Variants in SLC30A7 observed in about 807,000 individuals in gnomAD.
SLC30A7 encodes the protein zinc transporter 7.
In SLC30A7, 35 loss-of-function variants were observed where a neutral mutation model predicts 46.0. That is an observed-to-expected ratio of 0.76 (90% CI 0.58 to 1.01). SLC30A7 has a LOEUF of 1.01. SLC30A7 is among the 50% of genes least tolerant of loss of function. The probability of loss-of-function intolerance (pLI) is 0.00; values close to 1 mark genes in which losing one functional copy is unlikely to be tolerated. For synonymous variants in SLC30A7, 147 were observed against 157.8 expected, an observed-to-expected ratio of 0.93 and a Z score of 0.51; for missense variants, 464 against 451.1, an observed-to-expected ratio of 1.03 and a Z score of -0.26.
At chr1:100,905,316 C>T (rs1401239601) in intron 2 of SLC30A7, among the ~76,000 whole-genome samples, 1 of 151,732 alleles carries the variant, frequency 6.6e-6, no homozygotes, top group Non-Finnish European at 1.5e-5. Flanking sequence ...TTTTCTCTTT[C>T]TTCCCCTCTG....
At chr1:100,902,317 G>T (rs1375445231) in intron 2 of SLC30A7, among the ~76,000 whole-genome samples, 3 of 152,094 alleles carry the variant, frequency 2.0e-5, no homozygotes, top group Non-Finnish European at 2.9e-5. Context: ...ATTTCATTTT[G>T]ATGAGTATTA....
chr1:100,912,595 A>C (rs932725093), intron 5 of SLC30A7, among the ~76,000 whole-genome samples: 3 of 152,192 alleles, frequency 2.0e-5, no homozygotes, highest in African/African-American at 7.2e-5. Flanking sequence ...AGGCCAAGGC[A>C]GATGGATCAC....
intron 8 of SLC30A7, among the ~76,000 whole-genome samples, chr1:100,949,598 C>G (rs1654846786): frequency 6.6e-6 from 1 of 152,236 alleles, no homozygotes; most frequent in Admixed American, 6.5e-5. Flanking sequence ...GCCTTTTGTT[C>G]AGCTATGCCT....
chr1:100,995,555 G>C, the SLC30A7 span: 69 of 156,546 alleles, frequency 4.4e-4, 2 homozygotes, highest in South Asian at 0.01. Context: ...ATTTAAAAAA[G>C]TCTTTTGCTT....
At chr1:100,962,045 T>G in intron 9 of SLC30A7, 127 bp downstream of exon 9, 1 of 537,248 alleles carries the variant, frequency 1.9e-6, no homozygotes, top group South Asian at 3.1e-5. Flanking sequence ...ATGCTGACCA[T>G]GAAATGTCAT....
chr1:100,907,980 AC>A (rs1187569426), intron 3 of SLC30A7, among the ~76,000 whole-genome samples: 1 of 148,778 alleles, frequency 6.7e-6, no homozygotes, highest in Non-Finnish European at 1.5e-5. Context: ...TTACCTTTTA[AC>A]CCTTTATCTG....
intron 4 of SLC30A7, among the ~76,000 whole-genome samples, chr1:100,911,590 G>C (rs887163651): frequency 6.6e-6 from 1 of 151,998 alleles, no homozygotes; most frequent in African/African-American, 2.4e-5. Context: ...TCACTCTGTT[G>C]CCCAAGCTGG....
At chr1:100,951,204 G>A (rs541239169) in intron 8 of SLC30A7, among the ~76,000 whole-genome samples, 1 of 152,272 alleles carries the variant, frequency 6.6e-6, no homozygotes, top group East Asian at 1.9e-4. Flanking sequence ...AGAAGGAAAA[G>A]GGGTGCGAAG....
chr1:100,915,581 A>C (rs1310215409), intron 6 of SLC30A7, among the ~76,000 whole-genome samples: 1 of 152,126 alleles, frequency 6.6e-6, no homozygotes, highest in Non-Finnish European at 1.5e-5. Context: ...GTCCTTCAGG[A>C]TCATTCATGT....
intron 9 of SLC30A7, 74 bp downstream of exon 9, chr1:100,961,992 T>G (rs1015719426): frequency 3.5e-6 from 3 of 858,844 alleles, no homozygotes; most frequent in Non-Finnish European, 5.6e-6. Flanking sequence ...TTCACAAATA[T>G]GGGTAACATG....
At chr1:100,966,605 A>G (rs923141372) in intron 10 of SLC30A7, among the ~76,000 whole-genome samples, 2 of 147,040 alleles carry the variant, frequency 1.4e-5, no homozygotes, top group African/African-American at 5.0e-5. Flanking sequence ...AGAAAACCAC[A>G]TTTTTTTTTT....
intron 10 of SLC30A7, among the ~76,000 whole-genome samples, chr1:100,968,030 G>A (rs1436434534): frequency 6.6e-6 from 1 of 152,116 alleles, no homozygotes; most frequent in African/African-American, 2.4e-5. Flanking sequence ...ATTTTCAAAT[G>A]TTTTGGCAAA....
At chr1:100,909,188 A>T (rs1441676924) in intron 3 of SLC30A7, among the ~76,000 whole-genome samples, 1 of 152,116 alleles carries the variant, frequency 6.6e-6, no homozygotes, top group Non-Finnish European at 1.5e-5. Context: ...AATCAAAATG[A>T]CACTGATTAA....
At chr1:100,918,498 G>GTAA (rs768712171) in intron 7 of SLC30A7, among the ~76,000 whole-genome samples, 1 of 152,232 alleles carries the variant, frequency 6.6e-6, no homozygotes, top group Non-Finnish European at 1.5e-5. Context: ...TTGAATATAA[G>GTAA]TAATACCCAT....
chr1:100,912,246 G>A lies in SLC30A7; in HGVS notation c.511+8G>A, dbSNP rs765829393. 6.2e-7 allele frequency: 1 copy of A among 1,607,230 alleles called. No homozygotes were observed. Among genetic ancestry groups the A allele is most frequent in the Non-Finnish European group, 8.5e-7 (1 of 1,177,562 alleles). ...GACATTCTCATGGCTCTGGTATGAT[G>A]GTTAGGACACTTTGTTTCTTCATTT... On this transcript the variant is annotated splice_region_variant and intron_variant, in intron 5 of 10. Coordinates refer to ENST00000357650, the MANE Select transcript of SLC30A7 (RefSeq NM_133496.5).
intron 6 of SLC30A7, among the ~76,000 whole-genome samples, chr1:100,916,269 C>T (rs1001843827): frequency 1.3e-5 from 2 of 152,102 alleles, no homozygotes; most frequent in South Asian, 2.1e-4. Flanking sequence ...TCACTGCAAC[C>T]TCTGCCTCCC....
At chr1:100,913,865 A>G in intron 6 of SLC30A7, 59 bp downstream of exon 6, 1 of 1,564,906 alleles carries the variant, frequency 6.4e-7, no homozygotes, top group Non-Finnish European at 8.7e-7. Context: ...TTTGTGGATT[A>G]CTTTTCCTAG....
intron 8 of SLC30A7, among the ~76,000 whole-genome samples, chr1:100,924,641 A>C (rs1299928884): frequency 2.0e-5 from 3 of 151,546 alleles, no homozygotes; most frequent in Admixed American, 2.0e-4. Context: ...TCATTGTTTT[A>C]AAGTCAGCAC....
At chr1:100,995,994 T>C in the SLC30A7 span, 13 of 152,226 alleles carry the variant, frequency 8.5e-5, no homozygotes, top group Non-Finnish European at 1.3e-4. Context: ...ATTATAGAAG[T>C]GTTTCTTATA....
Sources: gnomAD v4.1 joint callset for allele counts (sites outside exome capture counted in the v4.1 genomes callset) on GRCh38, gnomAD v4.1.1 for gene constraint, MANE v1.5 for transcripts, NCBI Gene and HGNC (gene_info 2026-07-23, HGNC 2026-07-21) for gene names.